The following P4HTM variants were observed in gnomAD, a reference collection of about 807,000 sequenced individuals.
The protein encoded by P4HTM is prolyl 4-hydroxylase, transmembrane.
P4HTM carries 33 observed loss-of-function variants against 55.3 expected under a neutral mutation model. That is an observed-to-expected ratio of 0.60 (90% confidence interval 0.45 to 0.80). The LOEUF is 0.80. P4HTM is among the 30% of genes least tolerant of loss of function. The pLI, the probability that P4HTM is intolerant of heterozygous loss-of-function variation, is 0.00. For synonymous variants in P4HTM, 272 were observed against 286.4 expected, an observed-to-expected ratio of 0.95 and a Z score of 0.51; for missense variants, 542 against 696.5, an observed-to-expected ratio of 0.78 and a Z score of 2.50.
At chr3:48,998,434 C>G (rs2092952226) in intron 2 of P4HTM, 1 of 152,262 alleles carries the variant, frequency 6.6e-6, no homozygotes, top group Non-Finnish European at 1.5e-5. Flanking sequence ...GTTCCTACCC[C>G]TGTCTCGTGG....
In P4HTM at chr3:48,990,443, G is replaced by A. The variant is rs768053048; in HGVS notation, c.187G>A (p.Val63Met). 1.9e-6 allele frequency: 3 copies of A among 1,610,082 alleles called. No homozygotes were observed. The highest frequency in any genetic ancestry group is 1.7e-5 in the Admixed American group (1 of 59,950). ...CATCTGCTCGCGCGCCTACTTCCTGGTGCTGATGGTGTTCGTGCACCTGTA... is the reference window on the plus strand; with the variant it reads ...CATCTGCTCGCGCGCCTACTTCCTGATGCTGATGGTGTTCGTGCACCTGTA... ...RGICSRAYFL[V>M]LMVFVHLYLG... Residue 63 changes from valine to methionine, a missense_variant, in exon 1 of 9, where the codon GTG becomes ATG. Physicochemically the swap from Val to Met is conservative, Grantham distance 21. Coordinates refer to ENST00000383729, the MANE Select transcript of P4HTM (RefSeq NM_177939.3). This position sits in a 1 kb window ranked among gnomAD's most constrained non-coding sequence, Gnocchi z 7.2.
At position 49,005,046 on chromosome 3, in the gene P4HTM, G is replaced by A. The variant is rs182812551; in HGVS notation, c.1073G>A (p.Arg358His). ...TCTGTACCCTTCGAGACCTCCTGCC[G>A]GCAAGTATCTCCCAACTGGGGGCTG... is the stretch of plus-strand genomic sequence containing the variant. ...NESVPFETSC[R>H]YMTVLFYLNN... The change falls in exon 6 of 9, where the codon CGC becomes CAC. Residue 358 changes from arginine (R) to histidine (H), a missense_variant and splice_region_variant. This residue lies in a region of P4HTM where 536 missense variants were observed against 672.1 expected (regional missense o/e 0.80). Coordinates refer to ENST00000383729, the MANE Select transcript of P4HTM (RefSeq NM_177939.3). 60 of 1,614,016 alleles carry A rather than the reference G, an allele frequency of 3.7e-5. No individual in the cohort carries two copies. Among genetic ancestry groups the A allele is most frequent in the South Asian group, 1.1e-5 (1 of 91,086 alleles).
In P4HTM at chr3:49,002,051, G is replaced by A. The variant is rs2092962660; in HGVS notation, c.627+423G>A. ...CTTCTGAGAGAAGTCTGGCAGGGTG[G>A]TGGTGCGGGGCACTGCCCACACAGA... is the stretch of plus-strand genomic sequence containing the variant. On this transcript the variant is annotated intron_variant, in intron 3 of 8. Coordinates refer to ENST00000383729, the MANE Select transcript of P4HTM (RefSeq NM_177939.3). The surrounding 1 kb of genome is among the most constrained non-coding windows in gnomAD (Gnocchi z 4.4). Among the ~76,000 whole-genome samples, 1 of 152,196 alleles carries A rather than the reference G, an allele frequency of 6.6e-6. No individual in the cohort carries two copies. Among genetic ancestry groups the A allele is most frequent in the African/African-American group, 2.4e-5 (1 of 41,444 alleles).
chr3:48,990,807 C>A lies in P4HTM; in HGVS notation c.355-26C>A. 1.2e-6 allele frequency: 2 copies of A among 1,607,064 alleles called. No individual in the cohort carries two copies. The highest frequency in any genetic ancestry group is 1.7e-6 in the Non-Finnish European group (2 of 1,174,390). ...TGGGCAGCGCGGTCTGGCGCCCCAG[C>A]TGCCCGCTGTGCGCCTTTTCCTTAG... On this transcript the variant is annotated intron_variant, in intron 1 of 8. Coordinates refer to ENST00000383729, the MANE Select transcript of P4HTM (RefSeq NM_177939.3). This position sits in a 1 kb window ranked among gnomAD's most constrained non-coding sequence, Gnocchi z 7.2.
chr3:49,007,108 A>G lies in P4HTM; in HGVS notation c.*201A>G. ...CTGCCCCGTCAAATAAAAAACCACA[A>G]GGTTCGAGCCGCCGGGCCCGACAAA... is the stretch of plus-strand genomic sequence containing the variant. On this transcript the variant is annotated 3_prime_UTR_variant, in exon 9 of 9. Transcript: ENST00000383729. This position sits in a 1 kb window ranked among gnomAD's most constrained non-coding sequence, Gnocchi z 5.1. 2 of 682,138 alleles carry G rather than the reference A, an allele frequency of 2.9e-6. No individual in the cohort carries two copies. The highest frequency in any genetic ancestry group is 3.9e-5 in the South Asian group (2 of 51,188). The allele number at this position is 682,138 out of a possible 1,614,324, so 42.3% of individuals were successfully genotyped here. A position where few individuals can be genotyped will look rare whatever the true frequency, so the allele number is the denominator to read the frequency against.
chr3:48,990,049 A>G (rs2092925728), upstream of P4HTM: 3 of 239,796 alleles, frequency 1.3e-5, no homozygotes, highest in Admixed American at 5.9e-5. The surrounding 1 kb of genome is among the most constrained non-coding windows in gnomAD (Gnocchi z 7.2). Flanking sequence ...CCAGCTTGGG[A>G]AGAGAAGCCC....
In P4HTM at chr3:48,990,992, G is replaced by A; in HGVS notation, c.436+78G>A. ...ACCTTGAGGCTCGTTGTGACCACGT[G>A]ACCTCTATTTTGAAAATGGCTGCTT... On this transcript the variant is annotated intron_variant, in intron 2 of 8. Transcript: ENST00000383729. The surrounding 1 kb of genome is among the most constrained non-coding windows in gnomAD (Gnocchi z 7.2). The A allele has an allele frequency of 1.8e-6, 2 of 1,095,912 alleles. No individual in the cohort carries two copies. Among genetic ancestry groups the A allele is most frequent in the Non-Finnish European group, 2.7e-6 (2 of 728,474 alleles). 67.9% of individuals were successfully genotyped at this position (1,095,912 alleles called of 1,614,324 possible). A position where few individuals can be genotyped will look rare whatever the true frequency, so the allele number is the denominator to read the frequency against.
intron 5 of P4HTM, 122 bp from the exon 6 acceptor site, chr3:49,004,739 G>C (rs889080980): frequency 7.4e-5 from 71 of 960,362 alleles, no homozygotes; most frequent in Non-Finnish European, 1.0e-4. Flanking sequence ...GATGGCTTAA[G>C]GGACTTCCAG....
chr3:49,001,519 T>A lies in P4HTM; in HGVS notation c.518T>A (p.Ile173Asn), dbSNP rs1206488651. 1 of 1,613,898 alleles carries A rather than the reference T, an allele frequency of 6.2e-7. No homozygotes were observed. The highest frequency in any genetic ancestry group is 1.7e-5 in the Admixed American group (1 of 60,028). The change falls in exon 3 of 9, where the codon ATC (isoleucine) becomes AAC (asparagine). Residue 173 changes from isoleucine (I) to asparagine (N), a missense_variant. By Grantham distance (149) the Ile-to-Asn change is moderately radical (BLOSUM62 -3). This residue lies in a region of P4HTM where 536 missense variants were observed against 672.1 expected (regional missense o/e 0.80). Transcript: ENST00000383729. Reference sequence around the variant, plus strand: ...ATGAAGGGGTTACAGCGCAGCCAGATCCTGCCTACTGAAGAGTATGAAGAG... The same window carrying A: ...ATGAAGGGGTTACAGCGCAGCCAGAACCTGCCTACTGAAGAGTATGAAGAG... Reference protein sequence around the residue: ...AQMKGLQRSQILPTEEYEEAM... With the variant: ...AQMKGLQRSQNLPTEEYEEAM...
intron 2 of P4HTM, among the ~76,000 whole-genome samples, chr3:48,994,668 C>A (rs2092940340): frequency 6.6e-6 from 1 of 152,214 alleles, no homozygotes; most frequent in Non-Finnish European, 1.5e-5. Flanking sequence ...CATTTCTGAA[C>A]CATTGCCACC....
At position 49,006,949 on chromosome 3, in the gene P4HTM, G is replaced by T. The variant is rs752888720; in HGVS notation, c.*42G>T. The T allele has an allele frequency of 2.6e-6, 4 of 1,521,418 alleles. No individual in the cohort carries two copies. In the Admixed American group the frequency reaches 7.2e-5, roughly 27 times the overall value. 94.2% of individuals were successfully genotyped at this position (1,521,418 alleles called of 1,614,324 possible). ...GGTTCCCAGCCGCGGGTCGCCAGTT[G>T]CCCAAGATCAGGGGTCCGGCTGTCC... On this transcript the variant is annotated 3_prime_UTR_variant, in exon 9 of 9. Transcript: ENST00000383729.
At chr3:48,992,973 C>T (rs1023711503) in intron 2 of P4HTM, among the ~76,000 whole-genome samples, 1 of 151,834 alleles carries the variant, frequency 6.6e-6, no homozygotes, top group African/African-American at 2.4e-5. Flanking sequence ...GGCTGGAACC[C>T]TTAATAAGGT....
chr3:49,001,679 C>T, intron 3 of P4HTM, 51 bp downstream of exon 3: 1 of 1,491,534 alleles, frequency 6.7e-7, no homozygotes, highest in South Asian at 1.2e-5. Context: ...CCCAGAATCA[C>T]CTTTCTGGTG....
At chr3:48,993,403 C>G (rs1266930924) in intron 2 of P4HTM, among the ~76,000 whole-genome samples, 1 of 152,070 alleles carries the variant, frequency 6.6e-6, no homozygotes, top group African/African-American at 2.4e-5. Flanking sequence ...TAATACTCAC[C>G]CCATTACTAC....
At chr3:48,993,637 G>A (rs1474337681) in intron 2 of P4HTM, among the ~76,000 whole-genome samples, 1 of 152,032 alleles carries the variant, frequency 6.6e-6, no homozygotes, top group Non-Finnish European at 1.5e-5. Flanking sequence ...TGAGGCGGGT[G>A]GATCACTTGA....
chr3:48,990,170 G>A (rs1446171142), upstream of P4HTM: 1 of 1,071,424 alleles, frequency 9.3e-7, no homozygotes, highest in Non-Finnish European at 1.1e-6. The surrounding 1 kb of genome is among the most constrained non-coding windows in gnomAD (Gnocchi z 7.2). Flanking sequence ...CGCGGCGCTC[G>A]CGGGCCTGGC....
chr3:49,003,979 C>G, intron 4 of P4HTM, 119 bp from the exon 5 acceptor site: 1 of 933,440 alleles, frequency 1.1e-6, no homozygotes, highest in South Asian at 1.7e-5. Context: ...TGTACAAGGC[C>G]CCTCAGTGCC....
intron 5 of P4HTM, 120 bp downstream of exon 5, chr3:49,004,380 A>C: frequency 9.4e-7 from 1 of 1,066,422 alleles, no homozygotes; most frequent in Non-Finnish European, 1.3e-6. Flanking sequence ...ATTAAGTTCC[A>C]TTTGTTAGAC....
chr3:49,006,982 C>A lies in P4HTM; in HGVS notation c.*75C>A. 1 of 1,208,894 alleles carries A rather than the reference C, an allele frequency of 8.3e-7. No individual in the cohort carries two copies. Among genetic ancestry groups the A allele is most frequent in the Non-Finnish European group, 1.2e-6 (1 of 852,122 alleles). 74.9% of individuals were successfully genotyped at this position (1,208,894 alleles called of 1,614,324 possible). ...TCAGGGGTCCGGCTGTCCTTCTGTC[C>A]TGCTGCAGACTAAAGGTCTGGCCAA... is the stretch of plus-strand genomic sequence containing the variant. On this transcript the variant is annotated 3_prime_UTR_variant, in exon 9 of 9. Coordinates refer to ENST00000383729, the MANE Select transcript of P4HTM (RefSeq NM_177939.3).
Sources: gnomAD v4.1 joint callset for allele counts (sites outside exome capture counted in the v4.1 genomes callset) on GRCh38, gnomAD v4.1.1 for gene constraint, gnomAD v4.1.1 regional missense constraint, Gnocchi (gnomAD v3.1) non-coding constraint, MANE v1.5 for transcripts, NCBI Gene and HGNC (gene_info 2026-07-23, HGNC 2026-07-21) for gene names.